The following EVL variants were observed in gnomAD, a reference collection of about 807,000 sequenced individuals.
EVL encodes the protein ena/VASP-like protein.
Under a neutral mutation model 59.6 loss-of-function variants are expected in EVL, and 21 were observed. The ratio of observed to expected loss-of-function variants is 0.35; its 90% CI spans 0.25 to 0.51. EVL has a LOEUF of 0.51. EVL is among the 20% of genes least tolerant of loss of function. The pLI is 0.97. For synonymous variants in EVL, 198 were observed against 203.5 expected, an observed-to-expected ratio of 0.97 and a Z score of 0.23; for missense variants, 462 against 546.6, an observed-to-expected ratio of 0.85 and a Z score of 1.54.
intron 3 of EVL, among the ~76,000 whole-genome samples, chr14:100,112,339 C>G (rs1460234295): frequency 3.3e-5 from 5 of 152,198 alleles, no homozygotes; most frequent in African/African-American, 4.8e-5. Flanking sequence ...ACAGCAGCCA[C>G]TGTCTGACTG....
chr14:100,103,879 T>C (rs2140331477), intron 3 of EVL, among the ~76,000 whole-genome samples: 1 of 152,308 alleles, frequency 6.6e-6, no homozygotes, highest in South Asian at 2.1e-4. Flanking sequence ...AGGTATGTGC[T>C]TTTCTCTGCG....
chr14:99,978,777 T>TA (rs1319861732), intron 1 of EVL, among the ~76,000 whole-genome samples: 2 of 152,230 alleles, frequency 1.3e-5, no homozygotes, highest in African/African-American at 4.8e-5. Flanking sequence ...TCTTGATAGA[T>TA]ACTGTCATGA....
At position 100,130,254 on chromosome 14, in the gene EVL, G is replaced by A. The variant is rs956810087; in HGVS notation, c.839+570G>A. On this transcript the variant is annotated intron_variant, in intron 7 of 13. Transcript: ENST00000392920. This position sits in a 1 kb window ranked among gnomAD's most constrained non-coding sequence, Gnocchi z 4.8. ...GCCATGTGTGTCTGCTCGCTGCAGC[G>A]GGTGTGGCTGCAGCCTGCCATTGTG... Among the ~76,000 whole-genome samples, 4 of 152,126 alleles carry A rather than the reference G, an allele frequency of 2.6e-5. No homozygotes were observed. Among genetic ancestry groups the A allele is most frequent in the East Asian group, 3.8e-4 (2 of 5,202 alleles).
At chr14:100,075,066 G>T (rs1320934680) in intron 1 of EVL, among the ~76,000 whole-genome samples, 1 of 152,184 alleles carries the variant, frequency 6.6e-6, no homozygotes. Flanking sequence ...AATGAGAAGT[G>T]GGAATAAATG....
rs200967615 is a variant in EVL at position 100,129,570 on chromosome 14, A to T, written c.725A>T (p.Asp242Val). 1.2e-6 allele frequency: 2 copies of T among 1,613,624 alleles called. No homozygotes were observed. The highest frequency in any genetic ancestry group is 2.7e-5 in the African/African-American group (2 of 75,060). ...GGCCTCCTTTTTCCTCAGCCAGAAGACGCATCTGGAGGCTCCAGTCCCAGT... is the reference window on the plus strand; with the variant it reads ...GGCCTCCTTTTTCCTCAGCCAGAAGTCGCATCTGGAGGCTCCAGTCCCAGT... Reference protein sequence around the residue: ...AKLRRVQRPEDASGGSSPSGT... With the variant: ...AKLRRVQRPEVASGGSSPSGT... The change falls in exon 7 of 14, where the codon GAC (aspartate) becomes GTC (valine). Residue 242 changes from aspartate to valine, a missense_variant. Coordinates refer to ENST00000392920, the MANE Select transcript of EVL (RefSeq NM_016337.3).
At chr14:100,033,329 A>G (rs756252710) in intron 1 of EVL, among the ~76,000 whole-genome samples, 7 of 152,154 alleles carry the variant, frequency 4.6e-5, no homozygotes, top group Non-Finnish European at 1.0e-4. Context: ...ATCACATCTA[A>G]TTTTCACAGT....
At chr14:100,042,152 A>G (rs1235450237) in intron 1 of EVL, among the ~76,000 whole-genome samples, 3 of 152,246 alleles carry the variant, frequency 2.0e-5, no homozygotes, top group Admixed American at 1.3e-4. Flanking sequence ...ACTATATTAC[A>G]TTACATTTTT....
intron 1 of EVL, among the ~76,000 whole-genome samples, chr14:100,073,333 T>C (rs1334192505): frequency 6.6e-6 from 1 of 151,088 alleles, no homozygotes; most frequent in African/African-American, 2.4e-5. Context: ...TTTTTTTTTT[T>C]TTTGGGGAGA....
intron 1 of EVL, among the ~76,000 whole-genome samples, chr14:100,069,450 G>A (rs970104039): frequency 6.6e-6 from 1 of 152,194 alleles, no homozygotes; most frequent in Non-Finnish European, 1.5e-5. Context: ...GTTTGGAGGA[G>A]TCTCCAGGAA....
intron 1 of EVL, among the ~76,000 whole-genome samples, chr14:100,007,486 T>C (rs2060989969): frequency 6.6e-6 from 1 of 152,174 alleles, no homozygotes; most frequent in Non-Finnish European, 1.5e-5. Context: ...GAACTCTGAC[T>C]TTTGAAAAAA....
At chr14:99,991,790 T>A (rs2140178474) in intron 1 of EVL, among the ~76,000 whole-genome samples, 1 of 152,276 alleles carries the variant, frequency 6.6e-6, no homozygotes, top group East Asian at 1.9e-4. Context: ...TACATGTAAC[T>A]TATAAAAGAT....
chr14:100,023,212 T>A (rs1228971833), intron 1 of EVL, among the ~76,000 whole-genome samples: 1 of 71,000 alleles, frequency 1.4e-5, no homozygotes, highest in East Asian at 6.7e-4. Context: ...TTTTTTTAAT[T>A]TTTTTTTTTT....
chr14:100,121,918 G>C (rs1887724237), intron 3 of EVL, among the ~76,000 whole-genome samples: 1 of 152,226 alleles, frequency 6.6e-6, no homozygotes, highest in African/African-American at 2.4e-5. Context: ...ATGCTAGACA[G>C]GGTCGCTGGG....
chr14:100,006,723 C>T (rs2060984403), intron 1 of EVL, among the ~76,000 whole-genome samples: 1 of 151,208 alleles, frequency 6.6e-6, no homozygotes, highest in South Asian at 2.1e-4. Flanking sequence ...CTGTTGGAAG[C>T]GAGCTCAAAC....
intron 1 of EVL, among the ~76,000 whole-genome samples, chr14:100,044,009 G>A (rs1301643967): frequency 1.3e-5 from 2 of 152,058 alleles, no homozygotes; most frequent in Non-Finnish European, 2.9e-5. Context: ...CCACATTGAG[G>A]GTAGGTCTTC....
Position 100,122,692 on chromosome 14 carries a change from G to A in EVL, c.359-847G>A, listed in dbSNP as rs142999644. Among the ~76,000 whole-genome samples, 158 of 152,312 alleles carry A rather than the reference G, an allele frequency of 1.0e-3. 2 individuals are homozygous for A. The highest frequency in any genetic ancestry group is 2.3e-3 in the African/African-American group (94 of 41,572). The stretch of plus-strand genomic sequence containing the variant: ...CCAGAGTCCCTCTCCCAGTCACTGC[G>A]ACTCTCTGCAGTTCCCTAGTGACAC... On this transcript the variant is annotated intron_variant, in intron 3 of 13. Coordinates refer to ENST00000392920, the MANE Select transcript of EVL (RefSeq NM_016337.3).
chr14:100,124,179 C>G (rs574842647), intron 4 of EVL, among the ~76,000 whole-genome samples: 1 of 152,352 alleles, frequency 6.6e-6, no homozygotes, highest in South Asian at 2.1e-4. Flanking sequence ...CAGGTCTGCC[C>G]TCTCAGCGAT....
At chr14:100,140,024 C>CCT (rs1889063340) in intron 11 of EVL, 1 of 151,700 alleles carries the variant, frequency 6.6e-6, no homozygotes, top group Non-Finnish European at 1.5e-5. Flanking sequence ...GAGGCCGAGG[C>CCT]GGGAGGATCA....
At position 100,143,788 on chromosome 14, in the gene EVL, ACAGCCAGAAGCC is replaced by A. The variant is rs764023561; in HGVS notation, c.*58_*69del. On this transcript the variant is annotated 3_prime_UTR_variant, in exon 14 of 14. Coordinates refer to ENST00000392920, the MANE Select transcript of EVL (RefSeq NM_016337.3). ...CGTCGAGCCCATCCGGCGACAGAGG[ACAGCCAGAAGCC>A]CAGCCAGCCCCAGACTCCAGTGCAC... 6.3e-7 allele frequency: 1 copy of A among 1,596,586 alleles called. No homozygotes were observed. Among genetic ancestry groups the A allele is most frequent in the Non-Finnish European group, 8.5e-7 (1 of 1,171,698 alleles).
Sources: allele counts gnomAD v4.1 joint callset (sites outside exome capture counted in the v4.1 genomes callset), GRCh38; gene constraint gnomAD v4.1.1; non-coding constraint Gnocchi (gnomAD v3.1); transcripts MANE v1.5; gene names NCBI Gene and HGNC (gene_info 2026-07-23, HGNC 2026-07-21).